Variants in NECAB1 observed in about 807,000 individuals in gnomAD.
NECAB1 encodes N-terminal EF-hand calcium-binding protein 1.
A neutral mutation model predicts 57.5 loss-of-function variants in NECAB1; 29 were observed. The observed-to-expected ratio is 0.50, with a 90% CI of 0.38 to 0.69. The LOEUF is 0.69. Among genes scored for constraint, NECAB1 ranks in the 30% least tolerant of loss-of-function variants. The pLI, the probability that NECAB1 is intolerant of heterozygous loss-of-function variation, is 0.00. For synonymous variants in NECAB1, 142 were observed against 147.7 expected, an observed-to-expected ratio of 0.96 and a Z score of 0.28; for missense variants, 372 against 413.8, an observed-to-expected ratio of 0.90 and a Z score of 0.88.
In NECAB1 at chr8:90,791,778, C is replaced by A. The variant is rs916299275; in HGVS notation, c.-109C>A. 2.4e-6 allele frequency: 2 copies of A among 833,812 alleles called. No homozygotes were observed. The highest frequency in any genetic ancestry group is 3.7e-6 in the Non-Finnish European group (2 of 533,558). The allele number at this position is 833,812 out of a possible 1,614,324, so 51.7% of individuals were successfully genotyped here. On this transcript the variant is annotated 5_prime_UTR_variant, in exon 1 of 13. Transcript: ENST00000417640. ...GGCGCGCGCGGGAGCGAACACCCTC[C>A]CGGATCCAGAGCCCGGCGGCGGCGA...
Position 90,791,812 on chromosome 8 carries a change from C to G in NECAB1, c.-75C>G. 1 of 1,247,338 alleles carries G rather than the reference C, an allele frequency of 8.0e-7. No individual in the cohort carries two copies. The highest frequency in any genetic ancestry group is 1.3e-5 in the South Asian group (1 of 76,468). The allele number at this position is 1,247,338 out of a possible 1,614,324, so 77.3% of individuals were successfully genotyped here. A position where few individuals can be genotyped will look rare whatever the true frequency, so the allele number is the denominator to read the frequency against. ...GAGCCCGGCGGCGGCGAAGCAGCAG[C>G]TGCGGCCGCGCCCTTGCCAGAGCCG... On this transcript the variant is annotated 5_prime_UTR_variant, in exon 1 of 13. Coordinates refer to ENST00000417640, the MANE Select transcript of NECAB1 (RefSeq NM_022351.5).
At chr8:90,855,184 C>T (rs1243127432) in intron 3 of NECAB1, among the ~76,000 whole-genome samples, 1 of 152,128 alleles carries the variant, frequency 6.6e-6, no homozygotes, top group Admixed American at 6.6e-5. Context: ...CCAGACAAAG[C>T]CAAGCCTGCT....
In NECAB1 at chr8:90,795,701, A is replaced by ATCTCTC. The variant is rs144166896; in HGVS notation, c.99+3719_99+3724dup. ...AGCCACACACCTCCCATCTCACCTC[A>ATCTCTC]TCTCTCTCACACACACACACACACA... is the stretch of plus-strand genomic sequence containing the variant. On this transcript the variant is annotated intron_variant, in intron 1 of 12. Coordinates refer to ENST00000417640, the MANE Select transcript of NECAB1 (RefSeq NM_022351.5). Among the ~76,000 whole-genome samples, 143 of 140,294 alleles carry ATCTCTC rather than the reference A, an allele frequency of 1.0e-3. 1 individual carries two copies. The highest frequency in any genetic ancestry group is 2.0e-3 in the East Asian group (10 of 4,942). 92.0% of individuals were successfully genotyped at this position (140,294 alleles called of 152,430 possible).
chr8:90,807,978 CAAAAT>C (rs1211404344), intron 2 of NECAB1, among the ~76,000 whole-genome samples: 3 of 151,860 alleles, frequency 2.0e-5, no homozygotes, highest in Middle Eastern at 6.3e-3. Context: ...ATTTTTTTAA[CAAAAT>C]AAAGAAAAAT....
intron 9 of NECAB1, among the ~76,000 whole-genome samples, chr8:90,936,337 T>A (rs977834618): frequency 6.6e-6 from 1 of 152,126 alleles, no homozygotes; most frequent in African/African-American, 2.4e-5. Flanking sequence ...TTACACTTGG[T>A]TTTTGAAATG....
chr8:90,852,044 G>T (rs889284665), intron 3 of NECAB1, among the ~76,000 whole-genome samples: 1 of 151,784 alleles, frequency 6.6e-6, no homozygotes, highest in African/African-American at 2.4e-5. Context: ...ATATAATTTT[G>T]TTGTTGTTAT....
chr8:90,822,418 A>G (rs539847298), intron 2 of NECAB1, among the ~76,000 whole-genome samples: 23 of 152,058 alleles, frequency 1.5e-4, no homozygotes, highest in African/African-American at 5.5e-4. Flanking sequence ...ACCTAAAGTG[A>G]AGTCTTTCAG....
chr8:90,914,024 C>T (rs2130100123), intron 5 of NECAB1, among the ~76,000 whole-genome samples: 1 of 152,290 alleles, frequency 6.6e-6, no homozygotes, highest in South Asian at 2.1e-4. Flanking sequence ...TGGTGACCAG[C>T]CAGTGGCAAG....
intron 2 of NECAB1, among the ~76,000 whole-genome samples, chr8:90,821,031 C>A (rs1812135286): frequency 6.6e-6 from 1 of 151,804 alleles, no homozygotes; most frequent in African/African-American, 2.4e-5. Context: ...GGACCCTTTT[C>A]TTCCTTGTTG....
At chr8:90,800,801 T>G (rs111273439) in intron 1 of NECAB1, among the ~76,000 whole-genome samples, 1 of 152,146 alleles carries the variant, frequency 6.6e-6, no homozygotes. Context: ...TGCTCATCCC[T>G]GAGCAGTCAC....
At chr8:90,917,868 A>ATGTG (rs1307227529) in intron 6 of NECAB1, among the ~76,000 whole-genome samples, 23 of 65,522 alleles carry the variant, frequency 3.5e-4, no homozygotes, top group East Asian at 2.4e-3. Flanking sequence ...ATATATATAT[A>ATGTG]TATGTGTGTG....
chr8:90,864,031 A>G (rs1808459744), intron 3 of NECAB1, among the ~76,000 whole-genome samples: 1 of 152,144 alleles, frequency 6.6e-6, no homozygotes, highest in South Asian at 2.1e-4. Flanking sequence ...TCATATTGAG[A>G]TAGGAAGAAA....
At chr8:90,896,521 C>CG (rs1157980884) in intron 5 of NECAB1, among the ~76,000 whole-genome samples, 1 of 151,912 alleles carries the variant, frequency 6.6e-6, no homozygotes, top group Non-Finnish European at 1.5e-5. Flanking sequence ...AGAAGAATGG[C>CG]GGGAACCCGG....
At position 90,802,293 on chromosome 8, in the gene NECAB1, A is replaced by G. The variant is rs994120732; in HGVS notation, c.124+578A>G. ...CCTGGAAATGATAATCTATAGCAAC[A>G]GAGAAGTAGGAGATGGCAACCTCGA... On this transcript the variant is annotated intron_variant, in intron 2 of 12. Transcript: ENST00000417640. 8.5e-5 allele frequency among the ~76,000 whole-genome samples: 13 copies of G among 152,230 alleles called. No homozygotes were observed. In the South Asian group the frequency reaches 1.7e-3, roughly 19 times the overall value.
intron 3 of NECAB1, among the ~76,000 whole-genome samples, chr8:90,837,115 T>TA (rs1283123470): frequency 2.0e-5 from 3 of 152,240 alleles, no homozygotes; most frequent in Admixed American, 1.3e-4. Flanking sequence ...AATTAACCTT[T>TA]AAAAAATGGT....
At chr8:90,946,671 C>T (rs919487759) in intron 10 of NECAB1, among the ~76,000 whole-genome samples, 2 of 152,206 alleles carry the variant, frequency 1.3e-5, no homozygotes, top group Non-Finnish European at 2.9e-5. Flanking sequence ...AGATGGCCCA[C>T]AGTCAGGAAG....
intron 3 of NECAB1, among the ~76,000 whole-genome samples, chr8:90,869,179 A>C (rs1808573717): frequency 6.6e-6 from 1 of 152,224 alleles, no homozygotes; most frequent in Admixed American, 6.5e-5. Context: ...TTCTGCCTAG[A>C]TTTCAGAGGA....
chr8:90,936,852 T>A (rs1810551542), intron 9 of NECAB1, among the ~76,000 whole-genome samples: 1 of 152,068 alleles, frequency 6.6e-6, no homozygotes. Flanking sequence ...ACTTATTTAG[T>A]ACCTGTCATG....
intron 5 of NECAB1, among the ~76,000 whole-genome samples, chr8:90,894,561 G>A (rs1809276649): frequency 6.6e-6 from 1 of 152,246 alleles, no homozygotes; most frequent in South Asian, 2.1e-4. Context: ...AATGCATGTA[G>A]GGGGTCTAGT....
Sources: gnomAD v4.1 joint callset for allele counts (sites outside exome capture counted in the v4.1 genomes callset) on GRCh38, gnomAD v4.1.1 for gene constraint, MANE v1.5 for transcripts, NCBI Gene and HGNC (gene_info 2026-07-23, HGNC 2026-07-21) for gene names.